The following ANKRD23 variants were observed in gnomAD, a reference collection of about 807,000 sequenced individuals.
ANKRD23 encodes ankyrin repeat domain 23.
Under a neutral mutation model 38.1 loss-of-function variants are expected in ANKRD23, and 52 were observed. The observed-to-expected ratio is 1.36, with a 90% CI of 1.09 to 1.72. The LOEUF (loss-of-function observed/expected upper bound fraction) is 1.72, where lower values mean the gene tolerates loss of function less well. Ranked by LOEUF, ANKRD23 falls within the 40% of genes most tolerant of loss-of-function variation. ANKRD23 has a pLI of 0.00. For synonymous variants in ANKRD23, 167 were observed against 162.9 expected (o/e 1.03, Z -0.19); for missense variants, 416 against 400.2 (o/e 1.04, Z -0.34).
Position 96,838,466 on chromosome 2 carries a change from G to T in ANKRD23, c.*1083C>A. 1.0e-6 allele frequency: 1 copy of T among 987,278 alleles called. No homozygotes were observed. The highest frequency in any genetic ancestry group is 3.0e-4 in the Middle Eastern group (1 of 3,358). 61.2% of individuals were successfully genotyped at this position (987,278 alleles called of 1,614,324 possible). On this transcript the variant is annotated 3_prime_UTR_variant, in exon 9 of 9. Coordinates refer to ENST00000318357, the MANE Select transcript of ANKRD23 (RefSeq NM_144994.8). ...TTAGACCACCAGGGAGCAGGGAAGGGATGGGAAGGGCTGGGGGGCGGCGGG... is the reference window on the plus strand; with the variant it reads ...TTAGACCACCAGGGAGCAGGGAAGGTATGGGAAGGGCTGGGGGGCGGCGGG...
chr2:96,840,644 TCTC>T lies in ANKRD23; in HGVS notation c.427-133_427-131del, dbSNP rs1416305520. ...CCCCACCACGCGATGGGCCGCTCCC[TCTC>T]CTCCGTCTGCAGGTGCCACTGGATT... On this transcript the variant is annotated intron_variant, in intron 4 of 8. Transcript: ENST00000318357. 3 of 1,507,808 alleles carry T rather than the reference TCTC, an allele frequency of 2.0e-6. No homozygotes were observed. In the African/African-American group the frequency reaches 4.1e-5, roughly 21 times the overall value. 93.4% of individuals were successfully genotyped at this position (1,507,808 alleles called of 1,614,324 possible).
intron 1 of ANKRD23, among the ~76,000 whole-genome samples, chr2:96,842,741 C>T (rs547086942): frequency 1.3e-5 from 2 of 152,360 alleles, no homozygotes; most frequent in East Asian, 3.9e-4. Flanking sequence ...AGGGGGACAA[C>T]GGATCCCCGC....
At position 96,842,201 on chromosome 2, in the gene ANKRD23, A is replaced by G. The variant is rs1205672305; in HGVS notation, c.175-16T>C. The G allele has an allele frequency of 6.2e-7, 1 of 1,613,808 alleles. No homozygotes were observed. The highest frequency in any genetic ancestry group is 1.1e-5 in the South Asian group (1 of 91,070). ...ATCTTTCAAGCTGGGGCAGAAGACA[A>G]GACCATGCCAGCCATCAGCCGCTGG... On this transcript the variant is annotated splice_polypyrimidine_tract_variant and intron_variant, in intron 2 of 8. Coordinates refer to ENST00000318357, the MANE Select transcript of ANKRD23 (RefSeq NM_144994.8).
In ANKRD23 at chr2:96,838,499, C is replaced by G. The variant is rs1259066733; in HGVS notation, c.*1050G>C. 7 of 985,988 alleles carry G rather than the reference C, an allele frequency of 7.1e-6. No homozygotes were observed. Among genetic ancestry groups the G allele is most frequent in the Non-Finnish European group, 8.4e-6 (7 of 830,222 alleles). The allele number at this position is 985,988 out of a possible 1,614,324, so 61.1% of individuals were successfully genotyped here. A position where few individuals can be genotyped will look rare whatever the true frequency, so the allele number is the denominator to read the frequency against. ...GGGCTGGGGGGCGGCGGGGGCTCAC[C>G]TTCCTCTGCTTCCCTGTGGGCTGGG... is the stretch of plus-strand genomic sequence containing the variant. On this transcript the variant is annotated 3_prime_UTR_variant, in exon 9 of 9. Coordinates refer to ENST00000318357, the MANE Select transcript of ANKRD23 (RefSeq NM_144994.8).
Position 96,840,790 on chromosome 2 carries a change from G to A in ANKRD23, c.423C>T (p.Asp141=). 3.1e-6 allele frequency: 5 copies of A among 1,614,164 alleles called. No individual in the cohort carries two copies. The highest frequency in any genetic ancestry group is 4.2e-6 in the Non-Finnish European group (5 of 1,180,032). ...LTDGGDPNAH[D]KLHRTALHWA... ...CGACTCACCCAACCTGTGCTACCTT[G>A]TCATGGGCATTGGGGTCCCCTCCGT... The change falls in exon 4 of 9, where the codon GAC becomes GAT. Residue 141 remains aspartate (D), a synonymous_variant. Coordinates refer to ENST00000318357, the MANE Select transcript of ANKRD23 (RefSeq NM_144994.8).
chr2:96,840,371 T>C, intron 5 of ANKRD23, 41 bp from the exon 6 acceptor site: 1 of 1,610,348 alleles, frequency 6.2e-7, no homozygotes, highest in Non-Finnish European at 8.5e-7. Context: ...TGCTGGGATG[T>C]GAAGCTGGGC....
In ANKRD23 at chr2:96,839,475, G is replaced by A. The variant is rs1268089028; in HGVS notation, c.*74C>T. 20 of 1,391,884 alleles carry A rather than the reference G, an allele frequency of 1.4e-5. No individual in the cohort carries two copies. The highest frequency in any genetic ancestry group is 1.9e-5 in the Non-Finnish European group (20 of 1,078,872). 86.2% of individuals were successfully genotyped at this position (1,391,884 alleles called of 1,614,324 possible). A position where few individuals can be genotyped will look rare whatever the true frequency, so the allele number is the denominator to read the frequency against. ...CAGGGCTGAGGGCAGGAACCACAGA[G>A]GTGCAGACGCGGGGGCGGGGCACAG... On this transcript the variant is annotated 3_prime_UTR_variant, in exon 9 of 9. Transcript: ENST00000318357.
intron 8 of ANKRD23, 31 bp from the exon 9 acceptor site, chr2:96,839,675 C>A (rs539381940): frequency 1.9e-6 from 3 of 1,583,946 alleles, no homozygotes; most frequent in Non-Finnish European, 2.6e-6. Flanking sequence ...CAGTCCCTTG[C>A]AGGCGCTCCA....
At chr2:96,843,623 C>T (rs1444085242) in intron 1 of ANKRD23, among the ~76,000 whole-genome samples, 1 of 152,144 alleles carries the variant, frequency 6.6e-6, no homozygotes, top group African/African-American at 2.4e-5. Context: ...ATTCGACTTC[C>T]CTCTCTTGCT....
At position 96,839,741 on chromosome 2, in the gene ANKRD23, C is replaced by T; in HGVS notation, c.808G>A (p.Gly270Arg). The T allele has an allele frequency of 1.9e-6, 3 of 1,613,236 alleles. No homozygotes were observed. Among genetic ancestry groups the T allele is most frequent in the Non-Finnish European group, 2.5e-6 (3 of 1,179,912 alleles). Residue 270 changes from glycine to arginine, a missense_variant, in exon 8 of 9, where the codon GGG becomes AGG. Gly to Arg is a moderately radical substitution (Grantham distance 125, BLOSUM62 -2). Transcript: ENST00000318357. The stretch of plus-strand genomic sequence containing the variant: ...CCCACACTCACCGCGTTCCGCACCC[C>T]CAGCTCGGCCCCATAGAGCAGCAGT... The part of the protein sequence containing the change: ...KLLLLYGAEL[G>R]VRNAASVTPV...
rs2079715221 is a variant in ANKRD23, at chr2:96,838,221, A to G, written c.*1328T>C. 8.2e-6 allele frequency: 4 copies of G among 487,266 alleles called. No individual in the cohort carries two copies. The highest frequency in any genetic ancestry group is 1.1e-5 in the Non-Finnish European group (4 of 372,800). The allele number at this position is 487,266 out of a possible 1,614,324, so 30.2% of individuals were successfully genotyped here. On this transcript the variant is annotated 3_prime_UTR_variant, in exon 9 of 9. Coordinates refer to ENST00000318357, the MANE Select transcript of ANKRD23 (RefSeq NM_144994.8). ...AAGGAACCATGGCCAAATGCCTATCAATCAGCCCGGTACCTAATGTAACCC... is the reference window on the plus strand; with the variant it reads ...AAGGAACCATGGCCAAATGCCTATCGATCAGCCCGGTACCTAATGTAACCC...
Position 96,839,977 on chromosome 2 carries a change from A to C in ANKRD23, c.723+20T>G. ...CCTCTGGAGCTGTCCGAGCCGGAAA[A>C]GACCAAGCGCCTGCCTTACCTTATC... On this transcript the variant is annotated intron_variant, in intron 7 of 8. Coordinates refer to ENST00000318357, the MANE Select transcript of ANKRD23 (RefSeq NM_144994.8). The C allele has an allele frequency of 6.4e-7, 1 of 1,552,086 alleles. No individual in the cohort carries two copies. The highest frequency in any genetic ancestry group is 8.7e-7 in the Non-Finnish European group (1 of 1,147,236).
Position 96,840,770 on chromosome 2 carries a change from C to T in ANKRD23, c.426+17G>A. ...CAGCTGCAGCTGCTGCCAGCCGACT[C>T]ACCCAACCTGTGCTACCTTGTCATG... is the stretch of plus-strand genomic sequence containing the variant. On this transcript the variant is annotated intron_variant, in intron 4 of 8. Coordinates refer to ENST00000318357, the MANE Select transcript of ANKRD23 (RefSeq NM_144994.8). 1 of 1,614,004 alleles carries T rather than the reference C, an allele frequency of 6.2e-7. No individual in the cohort carries two copies. The highest frequency in any genetic ancestry group is 8.5e-7 in the Non-Finnish European group (1 of 1,179,934).
At chr2:96,841,157 A>G (rs1239255016) in intron 3 of ANKRD23, 3 of 461,666 alleles carry the variant, frequency 6.5e-6, no homozygotes, top group African/African-American at 4.0e-5. Flanking sequence ...AACCCCAGGT[A>G]CCTCAGAATG....
intron 4 of ANKRD23, 89 bp from the exon 5 acceptor site, chr2:96,840,603 A>G: frequency 6.5e-7 from 1 of 1,534,062 alleles, no homozygotes; most frequent in South Asian, 1.1e-5. Context: ...AGGTCCCTGA[A>G]TGGAATTGCC....
intron 3 of ANKRD23, 152 bp downstream of exon 3, chr2:96,841,908 G>T: frequency 1.8e-6 from 2 of 1,116,080 alleles, no homozygotes; most frequent in Non-Finnish European, 2.5e-6. Context: ...AGCCCTGGCG[G>T]ACACATCCGC....
At chr2:96,840,199 C>A (rs1410288566) in intron 6 of ANKRD23, 33 bp downstream of exon 6, 1 of 1,594,230 alleles carries the variant, frequency 6.3e-7, no homozygotes, top group South Asian at 1.1e-5. Context: ...CTCCCGTGTT[C>A]CCGACAGGCC....
At chr2:96,843,853 G>A (rs566552115) in intron 1 of ANKRD23, 113 bp downstream of exon 1, 88 of 1,000,026 alleles carry the variant, frequency 8.8e-5, no homozygotes, top group Middle Eastern at 8.6e-4. Context: ...ATGCTTCCCT[G>A]CACCTAAGAC....
chr2:96,839,796 C>T lies in ANKRD23; in HGVS notation c.753G>A (p.Val251=), dbSNP rs140411651. 6 of 1,613,258 alleles carry T rather than the reference C, an allele frequency of 3.7e-6. No homozygotes were observed. The African/African-American group carries it at 5.3e-5, about 14-fold the overall frequency. ...KEGDTALHEA[V]RHGSYKAMKL... ...TCATGGCTTTGTAGCTGCCGTGCCG[C>T]ACGGCCTCGTGCAGAGCCGTGTCCC... Residue 251 remains valine, a synonymous_variant, in exon 8 of 9, where the codon GTG becomes GTA. Transcript: ENST00000318357.
Sources: allele counts gnomAD v4.1 joint callset (sites outside exome capture counted in the v4.1 genomes callset), GRCh38; gene constraint gnomAD v4.1.1; transcripts MANE v1.5; gene names NCBI Gene and HGNC (gene_info 2026-07-23, HGNC 2026-07-21).